The following TSHR variants were observed in gnomAD, a reference collection of about 807,000 sequenced individuals.
TSHR encodes thyrotropin receptor.
In TSHR, 51 loss-of-function variants were observed where a neutral mutation model predicts 64.1. The ratio of observed to expected loss-of-function variants is 0.80; its 90% CI spans 0.64 to 1.01. TSHR has a LOEUF of 1.01. Among genes scored for constraint, TSHR ranks in the 50% least tolerant of loss-of-function variants. The probability of loss-of-function intolerance (pLI) is 0.00; values close to 1 mark genes in which losing one functional copy is unlikely to be tolerated. For missense variants in TSHR, 877 were observed against 942.8 expected (o/e 0.93, Z 0.91); for synonymous variants, 361 against 361.9 (o/e 1.00, Z 0.03).
chr14:81,106,069 T>A (rs764390157), intron 7 of TSHR, among the ~76,000 whole-genome samples: 1 of 152,192 alleles, frequency 6.6e-6, no homozygotes, highest in Admixed American at 6.5e-5. Context: ...GGATTGTGAT[T>A]GAAGCCACTG....
At chr14:81,014,310 G>A (rs928138790) in intron 1 of TSHR, 1 of 152,178 alleles carries the variant, frequency 6.6e-6, no homozygotes. Context: ...CAGAGGAAAT[G>A]GCTGGAAATT....
chr14:81,058,578 G>A (rs1253248915), intron 1 of TSHR, among the ~76,000 whole-genome samples: 1 of 152,072 alleles, frequency 6.6e-6, no homozygotes, highest in Admixed American at 6.6e-5. Context: ...AATCATCATT[G>A]TCTTCTTATT....
intron 8 of TSHR, among the ~76,000 whole-genome samples, chr14:81,125,673 A>C (rs1169246569): frequency 2.0e-5 from 3 of 152,058 alleles, no homozygotes; most frequent in African/African-American, 7.2e-5. Flanking sequence ...GCTCCCTTGG[A>C]GAAGGGAACC....
At chr14:81,124,543 A>C (rs1045701844) in intron 8 of TSHR, among the ~76,000 whole-genome samples, 1 of 152,160 alleles carries the variant, frequency 6.6e-6, no homozygotes, top group Non-Finnish European at 1.5e-5. Flanking sequence ...ATAAAAATTT[A>C]GTAGTAAAAT....
intron 1 of TSHR, among the ~76,000 whole-genome samples, chr14:80,958,729 T>A (rs1442281889): frequency 1.3e-5 from 2 of 152,038 alleles, no homozygotes; most frequent in Non-Finnish European, 2.9e-5. Flanking sequence ...ATAAACCAAG[T>A]TTTTGTCATT....
chr14:81,072,889 C>T (rs1477816244), intron 3 of TSHR, among the ~76,000 whole-genome samples: 4 of 137,364 alleles, frequency 2.9e-5, no homozygotes, highest in Non-Finnish European at 4.6e-5. Context: ...CCCAGCTACT[C>T]GGGAGGCTGA....
chr14:81,046,239 G>A (rs1425523798), intron 1 of TSHR, among the ~76,000 whole-genome samples: 2 of 152,076 alleles, frequency 1.3e-5, no homozygotes, highest in East Asian at 1.9e-4. Flanking sequence ...CAGAATGACA[G>A]AGATGATGGA....
At chr14:81,104,893 A>G in intron 7 of TSHR, 1 of 985,468 alleles carries the variant, frequency 1.0e-6, no homozygotes, top group Non-Finnish European at 1.2e-6. Flanking sequence ...AAGCTGTTGA[A>G]CACATAGAGA....
chr14:80,974,788 C>T (rs1419455232), intron 1 of TSHR, among the ~76,000 whole-genome samples: 1 of 151,954 alleles, frequency 6.6e-6, no homozygotes, highest in African/African-American at 2.4e-5. Flanking sequence ...GTATTGTATC[C>T]AATATGTTCA....
At chr14:80,978,094 A>AACACACACACACAC (rs60697218) in intron 1 of TSHR, among the ~76,000 whole-genome samples, 1 of 146,386 alleles carries the variant, frequency 6.8e-6, no homozygotes, top group African/African-American at 2.6e-5. Flanking sequence ...ACATCCCTCC[A>AACACACACACACAC]ACACACACAC....
At chr14:81,033,168 T>C (rs1434933515) in intron 1 of TSHR, 3 of 418,080 alleles carry the variant, frequency 7.2e-6, no homozygotes, top group East Asian at 6.6e-5. Flanking sequence ...GCAACATTCA[T>C]GTGGTGAATG....
chr14:81,124,410 C>T (rs1890932704), intron 8 of TSHR, among the ~76,000 whole-genome samples: 1 of 152,022 alleles, frequency 6.6e-6, no homozygotes, highest in African/African-American at 2.4e-5. Context: ...TTTAAGTGTA[C>T]AGGTTGATGC....
intron 1 of TSHR, among the ~76,000 whole-genome samples, chr14:80,970,628 G>A (rs1887544192): frequency 6.6e-6 from 1 of 152,214 alleles, no homozygotes; most frequent in Non-Finnish European, 1.5e-5. Flanking sequence ...ACATGGCAGG[G>A]AAGCTGGCAT....
chr14:81,109,007 T>C (rs2140033802), intron 8 of TSHR: 1 of 1,247,706 alleles, frequency 8.0e-7, no homozygotes, highest in East Asian at 3.7e-5. Flanking sequence ...GATCAGGTTC[T>C]ATTGATTCTG....
Position 81,103,466 on chromosome 14 carries a change from A to G in TSHR, c.615-4909A>G. 2 of 985,414 alleles carry G rather than the reference A, an allele frequency of 2.0e-6. No individual in the cohort carries two copies. The highest frequency in any genetic ancestry group is 2.4e-6 in the Non-Finnish European group (2 of 829,932). The allele number at this position is 985,414 out of a possible 1,614,324, so 61.0% of individuals were successfully genotyped here. Reference sequence around the variant, plus strand: ...AAATTAGCAGATCGACCTCATTTACACTCATTTTTTAAAATGTAACTGAAT... The same window carrying G: ...AAATTAGCAGATCGACCTCATTTACGCTCATTTTTTAAAATGTAACTGAAT... On this transcript the variant is annotated intron_variant, in intron 7 of 9. Transcript: ENST00000298171. The surrounding 1 kb of genome is among the most constrained non-coding windows in gnomAD (Gnocchi z 4.1).
At chr14:80,985,659 T>C (rs1465147398) in intron 1 of TSHR, among the ~76,000 whole-genome samples, 2 of 152,190 alleles carry the variant, frequency 1.3e-5, no homozygotes, top group East Asian at 1.9e-4. Flanking sequence ...TGTGAAAATA[T>C]GGGGTAATAT....
At chr14:81,123,686 C>T (rs1481060266) in intron 8 of TSHR, among the ~76,000 whole-genome samples, 1 of 152,164 alleles carries the variant, frequency 6.6e-6, no homozygotes, top group Admixed American at 6.5e-5. Context: ...AACTTACCCA[C>T]TTAATCATTG....
At chr14:81,075,078 A>G (rs1221305928) in intron 3 of TSHR, among the ~76,000 whole-genome samples, 1 of 152,236 alleles carries the variant, frequency 6.6e-6, no homozygotes, top group Non-Finnish European at 1.5e-5. Context: ...GGATATGTGA[A>G]CAGACCACAG....
At chr14:81,127,246 T>C (rs1022158456) in intron 8 of TSHR, among the ~76,000 whole-genome samples, 3 of 152,088 alleles carry the variant, frequency 2.0e-5, no homozygotes, top group Non-Finnish European at 4.4e-5. Context: ...CTAGATCAGG[T>C]GGGAGGAAAT....
Sources: allele counts gnomAD v4.1 joint callset (sites outside exome capture counted in the v4.1 genomes callset), GRCh38; gene constraint gnomAD v4.1.1; non-coding constraint Gnocchi (gnomAD v3.1); transcripts MANE v1.5; gene names NCBI Gene and HGNC (gene_info 2026-07-23, HGNC 2026-07-21).